The following LAT variants were observed in gnomAD, a reference collection of about 807,000 sequenced individuals.
The protein encoded by LAT is linker for activation of T cells, also known as linker for activation of T-cells family member 1.
LAT carries 12 observed loss-of-function variants against 39.1 expected under a neutral mutation model. The ratio of observed to expected loss-of-function variants is 0.31; its 90% confidence interval spans 0.20 to 0.50. The LOEUF (loss-of-function observed/expected upper bound fraction) is 0.50. Ranked by LOEUF, LAT falls within the 20% of genes least tolerant of loss-of-function variation. LAT has a pLI of 0.98. For missense variants in LAT, 253 were observed against 308.0 expected (o/e 0.82, Z 1.34); for synonymous variants, 117 against 123.8 (o/e 0.95, Z 0.36).
In LAT at chr16:28,989,600, G is replaced by C. The variant is rs749589604; in HGVS notation, c.556+11G>C. ...CAGAAGCGTCTCTGGGTGAGTGACCGGTGCTTGTCGGTGCCTGCCCCTGCA... is the reference window on the plus strand; with the variant it reads ...CAGAAGCGTCTCTGGGTGAGTGACCCGTGCTTGTCGGTGCCTGCCCCTGCA... On this transcript the variant is annotated intron_variant, in intron 9 of 11. Coordinates refer to ENST00000395456, the MANE Select transcript of LAT (RefSeq NM_001014987.2). 8 of 1,604,380 alleles carry C rather than the reference G, an allele frequency of 5.0e-6. No homozygotes were observed. In the African/African-American group the frequency reaches 1.1e-4, roughly 21 times the overall value.
chr16:28,990,229 G>T lies in LAT; in HGVS notation c.*48G>T, dbSNP rs1016130341. On this transcript the variant is annotated 3_prime_UTR_variant, in exon 12 of 12. Transcript: ENST00000395456. Reference sequence around the variant, plus strand: ...TCCTGGAACCAGGCTTGCCTGGGACGGCTGAGCTGGGCAGCTGGAAGTGGC... The same window carrying T: ...TCCTGGAACCAGGCTTGCCTGGGACTGCTGAGCTGGGCAGCTGGAAGTGGC... 2 of 695,754 alleles carry T rather than the reference G, an allele frequency of 2.9e-6. No homozygotes were observed. The highest frequency in any genetic ancestry group is 4.0e-5 in the Admixed American group (2 of 49,644). The allele number at this position is 695,754 out of a possible 1,614,324, so 43.1% of individuals were successfully genotyped here.
At chr16:28,987,367 T>C (rs1272617706) in intron 8 of LAT, among the ~76,000 whole-genome samples, 1 of 152,324 alleles carries the variant, frequency 6.6e-6, no homozygotes, top group East Asian at 1.9e-4. Flanking sequence ...TGGCTGTTCT[T>C]TTTTTATAGC....
chr16:28,988,292 A>G (rs1241247585), intron 8 of LAT: 1 of 152,384 alleles, frequency 6.6e-6, no homozygotes, highest in African/African-American at 2.4e-5. Flanking sequence ...GACAGGCCCT[A>G]TTTTACAGAG....
Position 28,985,860 on chromosome 16 carries a change from T to C in LAT, c.135T>C (p.Tyr45=). The part of the protein sequence containing the change: ...SYDSTSSDSL[Y]PRGIQFKRPH... ...GCTGTGTCTCCTTTACCAGTTTGTATCCAAGGGGCATCCAGTTCAAACGGC... is the reference window on the plus strand; with the variant it reads ...GCTGTGTCTCCTTTACCAGTTTGTACCCAAGGGGCATCCAGTTCAAACGGC... Residue 45 remains tyrosine, a synonymous_variant, in exon 3 of 12, where the codon TAT becomes TAC. Coordinates refer to ENST00000395456, the MANE Select transcript of LAT (RefSeq NM_001014987.2). The surrounding 1 kb of genome is among the most constrained non-coding windows in gnomAD (Gnocchi z 4.6). 1 of 1,614,038 alleles carries C rather than the reference T, an allele frequency of 6.2e-7. No individual in the cohort carries two copies. The highest frequency in any genetic ancestry group is 8.5e-7 in the Non-Finnish European group (1 of 1,179,974).
rs1469352266 is a variant in LAT, at chr16:28,990,580, C to T, written c.*399C>T. The stretch of plus-strand genomic sequence containing the variant: ...CTCAGCCAGGTGCTGTGACACCCCC[C>T]TTCTGAATGAAGCCTTCTGACCTGG... On this transcript the variant is annotated 3_prime_UTR_variant, in exon 12 of 12. Coordinates refer to ENST00000395456, the MANE Select transcript of LAT (RefSeq NM_001014987.2). 4.1e-6 allele frequency: 1 copy of T among 245,820 alleles called. No homozygotes were observed. The highest frequency in any genetic ancestry group is 2.3e-5 in the African/African-American group (1 of 43,090). 15.2% of individuals were successfully genotyped at this position (245,820 alleles called of 1,614,324 possible).
chr16:28,985,932 G>T lies in LAT; in HGVS notation c.163+44G>T. 6.2e-7 allele frequency: 1 copy of T among 1,600,778 alleles called. No homozygotes were observed. Among genetic ancestry groups the T allele is most frequent in the Non-Finnish European group, 8.6e-7 (1 of 1,167,910 alleles). On this transcript the variant is annotated intron_variant, in intron 3 of 11. Coordinates refer to ENST00000395456, the MANE Select transcript of LAT (RefSeq NM_001014987.2). The surrounding 1 kb of genome is among the most constrained non-coding windows in gnomAD (Gnocchi z 4.6). ...CCCTACCTTGGGTGCCAGGGAGAGG[G>T]TCCCCTGGTGTGGGAGTGAGCGTGA...
At position 28,990,633 on chromosome 16, in the gene LAT, T is replaced by A. The variant is rs959887670; in HGVS notation, c.*452T>A. 3 of 199,766 alleles carry A rather than the reference T, an allele frequency of 1.5e-5. No homozygotes were observed. Among genetic ancestry groups the A allele is most frequent in the Non-Finnish European group, 3.1e-5 (3 of 97,654 alleles). 12.4% of individuals were successfully genotyped at this position (199,766 alleles called of 1,614,324 possible). On this transcript the variant is annotated 3_prime_UTR_variant, in exon 12 of 12. Transcript: ENST00000395456. ...TGGCACTGCTGGGGGTGAGGACACA[T>A]TGCCCCATGAGACAGTCCCAGAACA...
At position 28,986,909 on chromosome 16, in the gene LAT, G is replaced by C. The variant is rs1464201352; in HGVS notation, c.493+16G>C. On this transcript the variant is annotated intron_variant, in intron 8 of 11. Transcript: ENST00000395456. The surrounding 1 kb of genome is among the most constrained non-coding windows in gnomAD (Gnocchi z 5.7). The stretch of plus-strand genomic sequence containing the variant: ...GCCTTCTCCAGTGAGTCAGGCATTT[G>C]TTTTTATTTTTAAATTTTTTTAGGG... 3.7e-6 allele frequency: 6 copies of C among 1,609,462 alleles called. No individual in the cohort carries two copies. Among genetic ancestry groups the C allele is most frequent in the Non-Finnish European group, 4.2e-6 (5 of 1,177,306 alleles).
At chr16:28,989,694 C>T (rs1399139094) in intron 9 of LAT, 80 bp from the exon 10 acceptor site, 2 of 1,589,228 alleles carry the variant, frequency 1.3e-6, no homozygotes, top group Non-Finnish European at 1.7e-6. Context: ...CCTCTGCCCC[C>T]TCTGTCTGGG....
rs1965741155 is a variant in LAT at position 28,986,066 on chromosome 16, G to A, written c.164-69G>A. The A allele has an allele frequency of 2.1e-6, 3 of 1,430,000 alleles. No homozygotes were observed. Among genetic ancestry groups the A allele is most frequent in the Non-Finnish European group, 2.9e-6 (3 of 1,026,742 alleles). 88.6% of individuals were successfully genotyped at this position (1,430,000 alleles called of 1,614,324 possible). ...TGTCCAGGGTGTGGGGCTTTCAGGG[G>A]CTTAGTCTGTTCTTTGAGGCCTTGA... On this transcript the variant is annotated intron_variant, in intron 3 of 11. Coordinates refer to ENST00000395456, the MANE Select transcript of LAT (RefSeq NM_001014987.2). This position sits in a 1 kb window ranked among gnomAD's most constrained non-coding sequence, Gnocchi z 5.7.
Position 28,985,506 on chromosome 16 carries a change from A to G in LAT, c.89A>G (p.His30Arg). 2 of 1,613,614 alleles carry G rather than the reference A, an allele frequency of 1.2e-6. No homozygotes were observed. Among genetic ancestry groups the G allele is most frequent in the Non-Finnish European group, 1.7e-6 (2 of 1,179,808 alleles). Reference protein sequence around the residue: ...AMLMALCVHCHRLPGSYDSTS... With the variant: ...AMLMALCVHCRRLPGSYDSTS... ...TTGATGGCACTGTGTGTGCACTGCC[A>G]CAGACTGCCAGGTGAGTGGGAAACT... is the stretch of plus-strand genomic sequence containing the variant. The change falls in exon 1 of 12, where the codon CAC becomes CGC. Residue 30 changes from histidine to arginine, a missense_variant. Physicochemically the swap from His to Arg is conservative, Grantham distance 29. Coordinates refer to ENST00000395456, the MANE Select transcript of LAT (RefSeq NM_001014987.2). The surrounding 1 kb of genome is among the most constrained non-coding windows in gnomAD (Gnocchi z 4.6).
At position 28,985,483 on chromosome 16, in the gene LAT, G is replaced by A. The variant is rs1334149990; in HGVS notation, c.66G>A (p.Leu22=). 3.7e-6 allele frequency: 6 copies of A among 1,613,714 alleles called. No homozygotes were observed. The highest frequency in any genetic ancestry group is 5.1e-6 in the Non-Finnish European group (6 of 1,179,924). ...TGCTGCTGCCCATCCTGGCCATGTT[G>A]ATGGCACTGTGTGTGCACTGCCACA... is the stretch of plus-strand genomic sequence containing the variant. ...GLLLLPILAM[L]MALCVHCHRL... The change falls in exon 1 of 12, where the codon TTG becomes TTA. Residue 22 remains leucine (L), a synonymous_variant. Coordinates refer to ENST00000395456, the MANE Select transcript of LAT (RefSeq NM_001014987.2). The surrounding 1 kb of genome is among the most constrained non-coding windows in gnomAD (Gnocchi z 4.6).
At position 28,985,619 on chromosome 16, in the gene LAT, G is replaced by A. The variant is rs1329286287; in HGVS notation, c.101-94G>A. On this transcript the variant is annotated intron_variant, in intron 1 of 11. Transcript: ENST00000395456. This position sits in a 1 kb window ranked among gnomAD's most constrained non-coding sequence, Gnocchi z 4.6. The stretch of plus-strand genomic sequence containing the variant: ...CTGTCCTGGCTCTGTCCCTGCCTCC[G>A]TCCTGATCCCAGCGCCTCTGAGAGT... 65 of 1,605,686 alleles carry A rather than the reference G, an allele frequency of 4.0e-5. No individual in the cohort carries two copies. The highest frequency in any genetic ancestry group is 5.3e-5 in the Non-Finnish European group (62 of 1,173,430).
In LAT at chr16:28,986,856, A is replaced by T. The variant is rs769638291; in HGVS notation, c.456A>T (p.Ala152=). The T allele has an allele frequency of 3.7e-6, 6 of 1,613,992 alleles. No homozygotes were observed. Among genetic ancestry groups the T allele is most frequent in the Non-Finnish European group, 3.4e-6 (4 of 1,179,966 alleles). ...GCACTGCTGCCCCATCAGCTCCTGC[A>T]CTCAGCACCCCTGGCATCCGAGACA... The part of the protein sequence containing the change: ...ATSTAAPSAP[A]LSTPGIRDSA... Residue 152 remains alanine, a synonymous_variant, in exon 8 of 12, where the codon GCA becomes GCT. Coordinates refer to ENST00000395456, the MANE Select transcript of LAT (RefSeq NM_001014987.2). This position sits in a 1 kb window ranked among gnomAD's most constrained non-coding sequence, Gnocchi z 5.7.
Position 28,986,232 on chromosome 16 carries a change from G to C in LAT, c.245+16G>C. On this transcript the variant is annotated intron_variant, in intron 4 of 11. Transcript: ENST00000395456. The surrounding 1 kb of genome is among the most constrained non-coding windows in gnomAD (Gnocchi z 5.7). ...TCCCCATCCCGTGAGTAGCTGCTCA[G>C]CCCCTGCCCCTCCAAAGCTCAGCCC... The C allele has an allele frequency of 6.3e-7, 1 of 1,579,444 alleles. No individual in the cohort carries two copies. Among genetic ancestry groups the C allele is most frequent in the Non-Finnish European group, 8.6e-7 (1 of 1,158,842 alleles).
rs1185315846 is a variant in LAT at position 28,985,813 on chromosome 16, C to T, written c.129-41C>T. 2.5e-6 allele frequency: 4 copies of T among 1,613,766 alleles called. No homozygotes were observed. Among genetic ancestry groups the T allele is most frequent in the Admixed American group, 1.7e-5 (1 of 60,006 alleles). ...GGGCAGGGCTGGGGCTTCCATCCTC[C>T]ATCTTCCAGCCCCATCCCCAAGCTG... On this transcript the variant is annotated intron_variant, in intron 2 of 11. Transcript: ENST00000395456. The surrounding 1 kb of genome is among the most constrained non-coding windows in gnomAD (Gnocchi z 4.6).
In LAT at chr16:28,985,186, G is replaced by A. The variant is rs1567530184; in HGVS notation, c.-232G>A. 7.0e-7 allele frequency: 1 copy of A among 1,429,854 alleles called. No individual in the cohort carries two copies. Among genetic ancestry groups the A allele is most frequent in the Non-Finnish European group, 9.1e-7 (1 of 1,096,514 alleles). The allele number at this position is 1,429,854 out of a possible 1,614,324, so 88.6% of individuals were successfully genotyped here. ...AGGCCCTGGTCTGACCACCCTGGGAGCAGGGACTTTCCACAGTCAGCTGGA... is the reference window on the plus strand; with the variant it reads ...AGGCCCTGGTCTGACCACCCTGGGAACAGGGACTTTCCACAGTCAGCTGGA... On this transcript the variant is annotated 5_prime_UTR_variant, in exon 1 of 12. Transcript: ENST00000395456. This position sits in a 1 kb window ranked among gnomAD's most constrained non-coding sequence, Gnocchi z 4.6.
In LAT at chr16:28,985,952, G is replaced by A; in HGVS notation, c.163+64G>A. Reference sequence around the variant, plus strand: ...AGAGGGTCCCCTGGTGTGGGAGTGAGCGTGAACCTTCAGACTTCCCCTGCC... The same window carrying A: ...AGAGGGTCCCCTGGTGTGGGAGTGAACGTGAACCTTCAGACTTCCCCTGCC... On this transcript the variant is annotated intron_variant, in intron 3 of 11. Coordinates refer to ENST00000395456, the MANE Select transcript of LAT (RefSeq NM_001014987.2). This position sits in a 1 kb window ranked among gnomAD's most constrained non-coding sequence, Gnocchi z 4.6. 1.3e-6 allele frequency: 2 copies of A among 1,576,724 alleles called. No individual in the cohort carries two copies. Among genetic ancestry groups the A allele is most frequent in the Non-Finnish European group, 1.7e-6 (2 of 1,146,336 alleles).
Position 28,986,695 on chromosome 16 carries a change from T to C in LAT, c.379T>C (p.Tyr127His). The C allele has an allele frequency of 1.9e-6, 3 of 1,613,502 alleles. No homozygotes were observed. Among genetic ancestry groups the C allele is most frequent in the Non-Finnish European group, 2.5e-6 (3 of 1,179,744 alleles). Residue 127 changes from tyrosine (Y) to histidine (H), a missense_variant, in exon 7 of 12, where the codon TAT becomes CAT. Tyr to His is a moderately conservative substitution (Grantham distance 83, BLOSUM62 2). Transcript: ENST00000395456. The surrounding 1 kb of genome is among the most constrained non-coding windows in gnomAD (Gnocchi z 5.7). ...CEDADEDEDDYHNPGYLVVLP... is the reference protein window; with the variant it reads ...CEDADEDEDDHHNPGYLVVLP... The stretch of plus-strand genomic sequence containing the variant: ...GGATGCGGATGAGGATGAGGACGAC[T>C]ATCACAACCCAGGCTACCTGTGAGT...
Sources: gnomAD v4.1 joint callset for allele counts (sites outside exome capture counted in the v4.1 genomes callset) on GRCh38, gnomAD v4.1.1 for gene constraint, Gnocchi (gnomAD v3.1) non-coding constraint, MANE v1.5 for transcripts, NCBI Gene and HGNC (gene_info 2026-07-23, HGNC 2026-07-21) for gene names.